TANGO6: variants seen among roughly 807,000 people sequenced by gnomAD.
TANGO6 encodes transport and golgi organization 6 homolog.
In TANGO6, 90 loss-of-function variants were observed where a neutral mutation model predicts 114.2. The ratio of observed to expected loss-of-function variants is 0.79; its 90% confidence interval spans 0.66 to 0.94. The LOEUF (loss-of-function observed/expected upper bound fraction) is 0.94. Among genes scored for constraint, TANGO6 ranks in the 40% least tolerant of loss-of-function variants. The probability of loss-of-function intolerance (pLI) is 0.00; values close to 1 mark genes in which losing one functional copy is unlikely to be tolerated. For synonymous variants in TANGO6, 477 were observed against 509.8 expected (o/e 0.94, Z 0.87); for missense variants, 1,274 against 1,315.3 (o/e 0.97, Z 0.49).
chr16:69,054,357 T>A (rs1329717888), intron 17 of TANGO6, among the ~76,000 whole-genome samples: 3 of 152,118 alleles, frequency 2.0e-5, no homozygotes, highest in Admixed American at 2.0e-4. Context: ...GGGGACCTGA[T>A]TGCTACTCAG....
chr16:68,900,339 T>C, intron 7 of TANGO6, 95 bp from the exon 8 acceptor site: 1 of 935,870 alleles, frequency 1.1e-6, no homozygotes, highest in Non-Finnish European at 1.7e-6. Context: ...AGATATTGCT[T>C]AAGACGCTGA....
Position 69,052,834 on chromosome 16 carries a change from C to G in TANGO6, c.3108+12413C>G, listed in dbSNP as rs549025700. 1.2e-3 allele frequency among the ~76,000 whole-genome samples: 176 copies of G among 152,194 alleles called. 1 individual carries two copies. The highest frequency in any genetic ancestry group is 4.0e-3 in the African/African-American group (166 of 41,530). On this transcript the variant is annotated intron_variant, in intron 17 of 17. Coordinates refer to ENST00000261778, the MANE Select transcript of TANGO6 (RefSeq NM_024562.2). ...TGGAAATAATAATAATAGTGCCAGGCACGGTGGCTCATGCCTGTAATCCCA... is the reference window on the plus strand; with the variant it reads ...TGGAAATAATAATAATAGTGCCAGGGACGGTGGCTCATGCCTGTAATCCCA...
At chr16:69,074,798 C>CTGTGTGTGTGTG (rs60702668) in intron 17 of TANGO6, among the ~76,000 whole-genome samples, 4 of 135,170 alleles carry the variant, frequency 3.0e-5, no homozygotes, top group Non-Finnish European at 4.7e-5. Context: ...GTTCGAATGC[C>CTGTGTGTGTGTG]TGTGTGTGTG....
chr16:69,076,909 A>C (rs1960388535), intron 17 of TANGO6, among the ~76,000 whole-genome samples: 3 of 152,290 alleles, frequency 2.0e-5, no homozygotes, highest in East Asian at 3.9e-4. Context: ...AGGCAGGAGA[A>C]TCGCTTGAAC....
chr16:68,927,330 A>ATG (rs747941463), intron 12 of TANGO6, among the ~76,000 whole-genome samples: 19 of 152,012 alleles, frequency 1.2e-4, no homozygotes, highest in Middle Eastern at 6.8e-3. Context: ...AAGGATATGA[A>ATG]TGTGTGTGTG....
At chr16:68,844,887 AT>A (rs1280482062) in intron 1 of TANGO6, among the ~76,000 whole-genome samples, 1 of 151,808 alleles carries the variant, frequency 6.6e-6, no homozygotes, top group Non-Finnish European at 1.5e-5. Context: ...AATATGCTAC[AT>A]TGTCTCAATT....
At chr16:68,852,440 T>C (rs554478534) in intron 1 of TANGO6, among the ~76,000 whole-genome samples, 1 of 152,258 alleles carries the variant, frequency 6.6e-6, no homozygotes, top group South Asian at 2.1e-4. Context: ...GGTCTGTTGC[T>C]TGTATTTATA....
At chr16:69,054,922 C>T (rs576827761) in intron 17 of TANGO6, among the ~76,000 whole-genome samples, 16 of 123,714 alleles carry the variant, frequency 1.3e-4, no homozygotes, top group African/African-American at 4.7e-4. Context: ...GCCTGGGTGA[C>T]ACAGCGAGAC....
intron 7 of TANGO6, among the ~76,000 whole-genome samples, chr16:68,882,891 G>A (rs542183013): frequency 9.0e-4 from 137 of 152,128 alleles, no homozygotes; most frequent in African/African-American, 2.7e-3. Flanking sequence ...TGTGGTACGC[G>A]CCTGTAGTCC....
intron 12 of TANGO6, among the ~76,000 whole-genome samples, chr16:68,926,201 G>A (rs1963165561): frequency 1.3e-5 from 2 of 152,100 alleles, no homozygotes; most frequent in African/African-American, 4.8e-5. Flanking sequence ...ATAATTATTT[G>A]AAAATGTCTC....
At chr16:68,960,007 G>A (rs758183341) in intron 14 of TANGO6, among the ~76,000 whole-genome samples, 2 of 152,180 alleles carry the variant, frequency 1.3e-5, no homozygotes, top group Non-Finnish European at 2.9e-5. Context: ...CCTAAATTTG[G>A]CGGACAGAGA....
chr16:68,922,480 G>A (rs945637441), intron 12 of TANGO6, among the ~76,000 whole-genome samples: 14 of 151,932 alleles, frequency 9.2e-5, no homozygotes, highest in Non-Finnish European at 1.3e-4. Context: ...AGGTTGCGGT[G>A]AGCGGAGACC....
Position 68,885,422 on chromosome 16 carries a change from C to T in TANGO6, c.1377+4792C>T, listed in dbSNP as rs186264548. 5.9e-5 allele frequency among the ~76,000 whole-genome samples: 9 copies of T among 152,272 alleles called. No individual in the cohort carries two copies. The East Asian group carries it at 1.5e-3, about 26-fold the overall frequency. The stretch of plus-strand genomic sequence containing the variant: ...ATATTTTTGTTCCCCTTAAAAGAAA[C>T]TCGTATCCATTAGCTGTCATTCTCC... On this transcript the variant is annotated intron_variant, in intron 7 of 17. Transcript: ENST00000261778.
At chr16:69,010,789 C>G (rs1964136141) in intron 15 of TANGO6, among the ~76,000 whole-genome samples, 1 of 152,172 alleles carries the variant, frequency 6.6e-6, no homozygotes, top group South Asian at 2.1e-4. Flanking sequence ...TGCCGTATGG[C>G]TTCCCTTGCA....
At chr16:68,957,633 A>C (rs1350517801) in intron 14 of TANGO6, among the ~76,000 whole-genome samples, 1 of 151,802 alleles carries the variant, frequency 6.6e-6, no homozygotes, top group Non-Finnish European at 1.5e-5. Flanking sequence ...TCCCAACCTC[A>C]AATCATCTGC....
chr16:69,020,900 ATGTATGTG>A lies in TANGO6; in HGVS notation c.2843-1924_2843-1917del, dbSNP rs1408701757. Among the ~76,000 whole-genome samples, 180 of 126,472 alleles carry A rather than the reference ATGTATGTG, an allele frequency of 1.4e-3. 3 individuals carry two copies. In the East Asian group the frequency reaches 0.029, roughly 20 times the overall value. 83.0% of individuals were successfully genotyped at this position (126,472 alleles called of 152,430 possible). ...AGACCCACCCCCCCTTTATATATGT[ATGTATGTG>A]TGTGTGTGTGTGTGTGTGTGTGTGT... On this transcript the variant is annotated intron_variant, in intron 15 of 17. Coordinates refer to ENST00000261778, the MANE Select transcript of TANGO6 (RefSeq NM_024562.2).
At chr16:68,913,420 T>G (rs1253871785) in intron 11 of TANGO6, among the ~76,000 whole-genome samples, 2 of 146,562 alleles carry the variant, frequency 1.4e-5, no homozygotes, top group Non-Finnish European at 3.0e-5. Context: ...TTTTTTTTTT[T>G]TTTTTTGAGA....
intron 11 of TANGO6, among the ~76,000 whole-genome samples, chr16:68,916,669 C>A (rs1429884933): frequency 6.6e-6 from 1 of 152,000 alleles, no homozygotes; most frequent in East Asian, 1.9e-4. Flanking sequence ...GGCAGGAATC[C>A]CTGAGGAGGA....
intron 1 of TANGO6, among the ~76,000 whole-genome samples, chr16:68,859,129 G>C (rs1367064026): frequency 6.6e-6 from 1 of 152,182 alleles, no homozygotes; most frequent in Non-Finnish European, 1.5e-5. Context: ...TCACTAGAAT[G>C]TAAGTTCCAT....
Sources: gnomAD v4.1 joint callset for allele counts (sites outside exome capture counted in the v4.1 genomes callset) on GRCh38, gnomAD v4.1.1 for gene constraint, MANE v1.5 for transcripts, NCBI Gene and HGNC (gene_info 2026-07-23, HGNC 2026-07-21) for gene names.